The following PSD3 variants were observed in gnomAD, a reference collection of about 807,000 sequenced individuals.
The protein encoded by PSD3 is pleckstrin and Sec7 domain containing 3.
PSD3 carries 49 observed loss-of-function variants against 105.5 expected under a neutral mutation model. The observed-to-expected ratio is 0.46, with a 90% CI of 0.37 to 0.59. The LOEUF (loss-of-function observed/expected upper bound fraction) is 0.59, where lower values mean the gene tolerates loss of function less well. Among genes scored for constraint, PSD3 ranks in the 20% least tolerant of loss-of-function variants. PSD3 has a pLI of 0.00. For missense variants in PSD3, 1,561 were observed against 1,263.8 expected (o/e 1.24, Z -3.57); for synonymous variants, 557 against 457.8 (o/e 1.22, Z -2.77).
intron 1 of PSD3, among the ~76,000 whole-genome samples, chr8:18,995,993 G>T (rs1378677965): frequency 6.6e-5 from 10 of 151,882 alleles, no homozygotes; most frequent in African/African-American, 2.2e-4. Context: ...CAGATCTCAG[G>T]CCCCACTCCA....
At chr8:18,770,280 AG>A (rs1358977974) in intron 8 of PSD3, among the ~76,000 whole-genome samples, 16 of 152,168 alleles carry the variant, frequency 1.1e-4, no homozygotes. Context: ...CTTTAGAGAA[AG>A]GCCTGTTAAA....
rs57785765 is a variant in PSD3, at chr8:18,620,342, G to GTTTTTTTT, written c.2410+12263_2410+12270dup. 1.7e-4 allele frequency among the ~76,000 whole-genome samples: 21 copies of GTTTTTTTT among 121,724 alleles called. 1 individual carries two copies. The highest frequency in any genetic ancestry group is 2.2e-4 in the East Asian group (1 of 4,522). The allele number at this position is 121,724 out of a possible 152,430, so 79.9% of individuals were successfully genotyped here. ...CTTACTGAAGGGTTCTTGGGTTTGTGTTTTTTTTTTTTTTTTTTCCCCAGG... is the reference window on the plus strand; with the variant it reads ...CTTACTGAAGGGTTCTTGGGTTTGTGTTTTTTTTTTTTTTTTTTTTTTTTTTCCCCAGG... On this transcript the variant is annotated intron_variant, in intron 11 of 15. Transcript: ENST00000327040.
At chr8:18,899,469 A>G (rs757389106) in intron 2 of PSD3, among the ~76,000 whole-genome samples, 1 of 152,082 alleles carries the variant, frequency 6.6e-6, no homozygotes, top group African/African-American at 2.4e-5. Context: ...CCAGACTTTC[A>G]TGATGTTCTG....
At chr8:18,948,369 G>A (rs754094336) in intron 1 of PSD3, among the ~76,000 whole-genome samples, 7 of 152,168 alleles carry the variant, frequency 4.6e-5, no homozygotes, top group Non-Finnish European at 7.3e-5. Context: ...GGGGATTTAA[G>A]TCGGGTCACA....
chr8:19,060,490 C>G (rs12543413), intron 1 of PSD3, among the ~76,000 whole-genome samples: 60,318 of 151,934 alleles, frequency 0.4, 12,488 homozygotes, highest in Middle Eastern at 0.47. Context: ...AAAAGCTAGC[C>G]AGATGTGATG....
chr8:18,927,881 C>T (rs957775736), intron 2 of PSD3, among the ~76,000 whole-genome samples: 3 of 152,198 alleles, frequency 2.0e-5, no homozygotes, highest in Non-Finnish European at 2.9e-5. Context: ...ATATCACACC[C>T]TCATACACTA....
At chr8:18,847,674 G>T (rs1200732377) in intron 4 of PSD3, among the ~76,000 whole-genome samples, 2 of 152,200 alleles carry the variant, frequency 1.3e-5, no homozygotes, top group Non-Finnish European at 2.9e-5. Flanking sequence ...ATAAGTAAAA[G>T]AAAGCTTCAG....
At chr8:19,030,271 C>T (rs376052103) in intron 1 of PSD3, among the ~76,000 whole-genome samples, 58 of 152,220 alleles carry the variant, frequency 3.8e-4, no homozygotes, top group African/African-American at 1.2e-3. Flanking sequence ...GTGAATTACA[C>T]GATTAGTTTT....
chr8:18,604,001 A>G (rs937312981), intron 11 of PSD3, among the ~76,000 whole-genome samples: 1 of 152,220 alleles, frequency 6.6e-6, no homozygotes, highest in African/African-American at 2.4e-5. Context: ...GCAGTATGAA[A>G]ATGGACCAAT....
At chr8:19,061,537 G>A (rs1390924281) in intron 1 of PSD3, among the ~76,000 whole-genome samples, 1 of 152,022 alleles carries the variant, frequency 6.6e-6, no homozygotes, top group South Asian at 2.1e-4. Flanking sequence ...GCCAGGTGCG[G>A]AGGCTCACGC....
chr8:18,901,150 T>C (rs779814997), intron 2 of PSD3, among the ~76,000 whole-genome samples: 1 of 152,238 alleles, frequency 6.6e-6, no homozygotes, highest in Non-Finnish European at 1.5e-5. Context: ...TATGAATTCA[T>C]GTCACAACTC....
intron 9 of PSD3, among the ~76,000 whole-genome samples, chr8:18,748,922 T>C (rs1182561680): frequency 6.6e-6 from 1 of 152,182 alleles, no homozygotes; most frequent in Non-Finnish European, 1.5e-5. Flanking sequence ...ATTCTCTGGT[T>C]TGTATCAGTA....
intron 4 of PSD3, among the ~76,000 whole-genome samples, chr8:18,845,782 T>A (rs1343232314): frequency 3.3e-5 from 5 of 152,144 alleles, no homozygotes; most frequent in East Asian, 1.9e-4. Context: ...ACAAAAAAAA[T>A]TAAAATAAAT....
intron 12 of PSD3, among the ~76,000 whole-genome samples, chr8:18,597,044 G>A (rs913663275): frequency 6.6e-6 from 1 of 152,098 alleles, no homozygotes; most frequent in Admixed American, 6.6e-5. Context: ...CATCCATTAT[G>A]AGCATAAATG....
Position 18,572,631 on chromosome 8 carries a change from C to T in PSD3, c.2681G>A (p.Cys894Tyr). The T allele has an allele frequency of 3.1e-6, 5 of 1,614,028 alleles. No individual in the cohort carries two copies. Among genetic ancestry groups the T allele is most frequent in the Non-Finnish European group, 4.2e-6 (5 of 1,179,934 alleles). ...TGGTGCAGAAAATACAGCTGCCACA[C>T]AATTGATTTTGTTTATCCACCCTTG... ...EMQGWINKIN[C>Y]VAAVFSAPPF... The change falls in exon 14 of 16, where the codon TGT (cysteine) becomes TAT (tyrosine). Residue 894 changes from cysteine to tyrosine, a missense_variant. By Grantham distance (194) the Cys-to-Tyr change is radical. Coordinates refer to ENST00000327040, the MANE Select transcript of PSD3 (RefSeq NM_015310.4).
chr8:18,557,117 C>T (rs1801128926), intron 14 of PSD3, among the ~76,000 whole-genome samples: 1 of 152,328 alleles, frequency 6.6e-6, no homozygotes, highest in East Asian at 1.9e-4. Flanking sequence ...AGATATGTTA[C>T]TGAACCTTCT....
In PSD3 at chr8:18,911,391, G is replaced by T. The variant is rs145403518; in HGVS notation, c.130+24643C>A. Reference sequence around the variant, plus strand: ...GGCACTTCACTCCAATTTCCTGTAAGGCTGCAGGATATGGTGGAGAGACAG... The same window carrying T: ...GGCACTTCACTCCAATTTCCTGTAATGCTGCAGGATATGGTGGAGAGACAG... On this transcript the variant is annotated intron_variant, in intron 2 of 15. Coordinates refer to ENST00000327040, the MANE Select transcript of PSD3 (RefSeq NM_015310.4). 4.4e-4 allele frequency among the ~76,000 whole-genome samples: 67 copies of T among 152,300 alleles called. 1 individual carries two copies. The highest frequency in any genetic ancestry group is 3.5e-3 in the Admixed American group (53 of 15,298).
intron 8 of PSD3, among the ~76,000 whole-genome samples, chr8:18,775,747 G>C (rs984147324): frequency 6.6e-6 from 1 of 152,092 alleles, no homozygotes; most frequent in African/African-American, 2.4e-5. Flanking sequence ...CAAATGGATA[G>C]CTCAAAAATA....
intron 10 of PSD3, among the ~76,000 whole-genome samples, chr8:18,651,172 T>C (rs1255093507): frequency 6.6e-6 from 1 of 152,216 alleles, no homozygotes; most frequent in Non-Finnish European, 1.5e-5. Context: ...GAAGCAGAAC[T>C]GGGTCCCCAA....
Sources: gnomAD v4.1 joint callset for allele counts (sites outside exome capture counted in the v4.1 genomes callset) on GRCh38, gnomAD v4.1.1 for gene constraint, MANE v1.5 for transcripts, NCBI Gene and HGNC (gene_info 2026-07-23, HGNC 2026-07-21) for gene names.